C14orf39: variants seen among roughly 807,000 people sequenced by gnomAD.
The protein encoded by C14orf39 is protein SIX6OS1.
A neutral mutation model predicts 85.6 loss-of-function variants in C14orf39; 66 were observed. That is an observed-to-expected ratio of 0.77 (90% CI 0.63 to 0.95). C14orf39 has a LOEUF of 0.95. Among genes scored for constraint, C14orf39 ranks in the 40% least tolerant of loss-of-function variants. The pLI is 0.00. For synonymous variants in C14orf39, 242 were observed against 214.0 expected, an observed-to-expected ratio of 1.13 and a Z score of -1.14; for missense variants, 735 against 663.9, an observed-to-expected ratio of 1.11 and a Z score of -1.18.
At chr14:60,500,209 T>C (rs1403902236) in intron 1 of C14orf39, among the ~76,000 whole-genome samples, 5 of 152,174 alleles carry the variant, frequency 3.3e-5, no homozygotes, top group South Asian at 4.2e-4. Context: ...GTATTTTTAG[T>C]AGAGATGGGG....
intron 17 of C14orf39, among the ~76,000 whole-genome samples, chr14:60,440,553 C>T (rs1890460837): frequency 6.6e-6 from 1 of 152,202 alleles, no homozygotes; most frequent in African/African-American, 2.4e-5. Context: ...TTTATAGCTT[C>T]CTGACCTTTC....
chr14:60,440,063 G>A (rs1034190565), intron 17 of C14orf39, among the ~76,000 whole-genome samples: 5 of 152,000 alleles, frequency 3.3e-5, no homozygotes, highest in Admixed American at 2.6e-4. Context: ...CAACAAGAGC[G>A]AAACTCTGTC....
At chr14:60,488,016 T>C (rs572972317), upstream of C14orf39, among the ~76,000 whole-genome samples, 1 of 152,334 alleles carries the variant, frequency 6.6e-6, no homozygotes, top group South Asian at 2.1e-4. Context: ...CCAAATTTAC[T>C]CTTATTACAT....
At chr14:60,447,594 A>G (rs1160365605) in intron 16 of C14orf39, among the ~76,000 whole-genome samples, 2 of 152,220 alleles carry the variant, frequency 1.3e-5, no homozygotes, top group African/African-American at 4.8e-5. Context: ...GAAAGACTCA[A>G]TATCGTGAAA....
intron 17 of C14orf39, among the ~76,000 whole-genome samples, chr14:60,439,445 A>ATAAATAT (rs1890404357): frequency 6.6e-6 from 1 of 152,224 alleles, no homozygotes; most frequent in African/African-American, 2.4e-5. Context: ...GAAAATAAAA[A>ATAAATAT]TAAATATTTA....
intron 13 of C14orf39, 68 bp from the exon 14 acceptor site, chr14:60,458,807 C>A: frequency 1.5e-6 from 2 of 1,350,138 alleles, no homozygotes; most frequent in Non-Finnish European, 2.1e-6. Flanking sequence ...CATAGTCTCG[C>A]CATTTGAAAT....
At chr14:60,449,829 A>G (rs937105743) in intron 16 of C14orf39, among the ~76,000 whole-genome samples, 30 of 152,306 alleles carry the variant, frequency 2.0e-4, no homozygotes, top group African/African-American at 7.2e-4. Flanking sequence ...TTATGTAATT[A>G]TTAGCTAAAT....
At position 60,515,428 on chromosome 14, in the gene C14orf39, G is replaced by C. The variant is rs559641773; in HGVS notation, c.-177C>G. ...TCCAGCGCCCCGCGAACTCGCGGAC[G>C]TGTAGGCCTCGAGCCACTCCTACTG... is the stretch of plus-strand genomic sequence containing the variant. On this transcript the variant is annotated 5_prime_UTR_variant, in exon 1 of 6. Coordinates refer to the C14orf39 transcript ENST00000556799. The surrounding 1 kb of genome is among the most constrained non-coding windows in gnomAD (Gnocchi z 6.2). The C allele has an allele frequency of 1.1e-4, 17 of 152,238 alleles. No homozygotes were observed. The highest frequency in any genetic ancestry group is 3.4e-4 in the African/African-American group (14 of 41,570). The allele number at this position is 152,238 out of a possible 1,614,324, so 9.4% of individuals were successfully genotyped here.
chr14:60,468,093 A>G (rs993066744), intron 9 of C14orf39, among the ~76,000 whole-genome samples: 2 of 151,734 alleles, frequency 1.3e-5, no homozygotes, highest in African/African-American at 2.4e-5. Context: ...GTGATAAAAA[A>G]GTAAATACCT....
At chr14:60,466,853 CTTCT>C (rs923193911) in intron 10 of C14orf39, 60 bp downstream of exon 10, 18 of 1,271,952 alleles carry the variant, frequency 1.4e-5, no homozygotes, top group Non-Finnish European at 1.8e-5. Flanking sequence ...AAATTGCTTC[CTTCT>C]ATTTCTTCTG....
chr14:60,506,792 A>T (rs1272368571), intron 1 of C14orf39, among the ~76,000 whole-genome samples: 1 of 152,154 alleles, frequency 6.6e-6, no homozygotes, highest in Non-Finnish European at 1.5e-5. Context: ...TCTCAGTTCC[A>T]GTTGCCCGCG....
intron 1 of C14orf39, among the ~76,000 whole-genome samples, chr14:60,505,846 G>A (rs1313716116): frequency 3.3e-5 from 5 of 152,254 alleles, no homozygotes; most frequent in Non-Finnish European, 5.9e-5. Flanking sequence ...ATGTGAGCAG[G>A]GTGTGACCAG....
At chr14:60,478,510 A>T (rs1450289193) in intron 4 of C14orf39, 121 bp from the exon 5 acceptor site, 1 of 487,394 alleles carries the variant, frequency 2.1e-6, no homozygotes, top group African/African-American at 2.0e-5. Context: ...TGGAGAAAAC[A>T]AGCTTACATC....
intron 5 of C14orf39, among the ~76,000 whole-genome samples, chr14:60,474,123 C>T (rs1337239913): frequency 6.6e-6 from 1 of 152,026 alleles, no homozygotes; most frequent in Non-Finnish European, 1.5e-5. Flanking sequence ...CCTTCATATC[C>T]CTTCTAAGTT....
At chr14:60,463,982 A>G (rs1175766659) in intron 11 of C14orf39, among the ~76,000 whole-genome samples, 1 of 152,152 alleles carries the variant, frequency 6.6e-6, no homozygotes, top group Non-Finnish European at 1.5e-5. Context: ...CTACTTTAAA[A>G]AACAAAGAAA....
intron 16 of C14orf39, among the ~76,000 whole-genome samples, chr14:60,443,034 G>A (rs1030299448): frequency 6.6e-6 from 1 of 151,642 alleles, no homozygotes. Flanking sequence ...ACATATAGAA[G>A]TTTAGATTTT....
At chr14:60,509,492 C>G in intron 1 of C14orf39, 2 of 1,602,740 alleles carry the variant, frequency 1.2e-6, no homozygotes, top group Non-Finnish European at 1.7e-6. Flanking sequence ...GCGCCTGGGT[C>G]GCTTCCTCTG....
intron 11 of C14orf39, among the ~76,000 whole-genome samples, chr14:60,462,426 T>G (rs1891575815): frequency 6.6e-6 from 1 of 152,156 alleles, no homozygotes; most frequent in Non-Finnish European, 1.5e-5. Flanking sequence ...TCTAAACCAT[T>G]ATTTTATTAA....
intron 11 of C14orf39, among the ~76,000 whole-genome samples, chr14:60,465,738 TA>T (rs1376811702): frequency 5.9e-5 from 9 of 152,148 alleles, no homozygotes; most frequent in African/African-American, 2.2e-4. Context: ...CTTTTTCTAT[TA>T]TTTTTAGGGA....
Sources: gnomAD v4.1 joint callset for allele counts (sites outside exome capture counted in the v4.1 genomes callset) on GRCh38, gnomAD v4.1.1 for gene constraint, Gnocchi (gnomAD v3.1) non-coding constraint, MANE v1.5 for transcripts, NCBI Gene and HGNC (gene_info 2026-07-23, HGNC 2026-07-21) for gene names.